The following ERCC6L2 variants were observed in gnomAD, a reference collection of about 807,000 sequenced individuals.
The protein encoded by ERCC6L2 is DNA excision repair protein ERCC-6-like 2.
A neutral mutation model predicts 132.0 loss-of-function variants in ERCC6L2; 77 were observed. The observed-to-expected ratio is 0.58, with a 90% CI of 0.49 to 0.71. The LOEUF (loss-of-function observed/expected upper bound fraction) is 0.71, where lower values mean the gene tolerates loss of function less well. Ranked by LOEUF, ERCC6L2 falls within the 30% of genes least tolerant of loss-of-function variation. The pLI is 0.00. For missense variants in ERCC6L2, 1,542 were observed against 1,837.6 expected (o/e 0.84, Z 2.94); for synonymous variants, 583 against 632.4 (o/e 0.92, Z 1.17).
chr9:95,940,951 G>A (rs2132874351), intron 11 of ERCC6L2, among the ~76,000 whole-genome samples: 1 of 152,086 alleles, frequency 6.6e-6, no homozygotes, highest in South Asian at 2.1e-4. Context: ...ATGACTCACT[G>A]CCATGCCATT....
chr9:95,984,811 C>G (rs1437663299), intron 17 of ERCC6L2, among the ~76,000 whole-genome samples: 1 of 152,098 alleles, frequency 6.6e-6, no homozygotes, highest in Non-Finnish European at 1.5e-5. Context: ...CCTTTATGTT[C>G]TGAGAATTTT....
chr9:95,950,989 A>G (rs1473701196), intron 12 of ERCC6L2, among the ~76,000 whole-genome samples: 3 of 152,340 alleles, frequency 2.0e-5, no homozygotes, highest in South Asian at 2.1e-4. Flanking sequence ...TAACAGATAT[A>G]TAGAATTTTC....
At chr9:95,947,953 A>G (rs1831141581) in intron 12 of ERCC6L2, among the ~76,000 whole-genome samples, 2 of 152,240 alleles carry the variant, frequency 1.3e-5, no homozygotes, top group African/African-American at 4.8e-5. Flanking sequence ...GTTCTGATGG[A>G]GATATACAAG....
At chr9:96,020,847 G>A (rs1194602072), downstream of ERCC6L2, 3 of 456,754 alleles carry the variant, frequency 6.6e-6, no homozygotes, top group Non-Finnish European at 1.3e-5. Context: ...CCCCAGAGCA[G>A]CAGCAACGTG....
intron 4 of ERCC6L2, among the ~76,000 whole-genome samples, chr9:95,913,181 G>A (rs1373805070): frequency 1.3e-5 from 2 of 152,044 alleles, no homozygotes; most frequent in Non-Finnish European, 1.5e-5. Flanking sequence ...CATACAAATT[G>A]TTCTTGTCTG....
chr9:95,883,919 C>T (rs1441842052), intron 2 of ERCC6L2, among the ~76,000 whole-genome samples: 2 of 152,206 alleles, frequency 1.3e-5, no homozygotes, highest in African/African-American at 4.8e-5. Context: ...TTGGGAACCA[C>T]CATCCTGCAG....
At chr9:95,943,259 A>C (rs956508804) in intron 12 of ERCC6L2, among the ~76,000 whole-genome samples, 2 of 152,162 alleles carry the variant, frequency 1.3e-5, no homozygotes, top group Non-Finnish European at 2.9e-5. Flanking sequence ...TAATTGTCAG[A>C]ATAAGGGTAG....
chr9:96,003,558 G>A (rs1164768581), intron 17 of ERCC6L2, among the ~76,000 whole-genome samples: 1 of 152,122 alleles, frequency 6.6e-6, no homozygotes, highest in African/African-American at 2.4e-5. Flanking sequence ...TTCCTGTTTT[G>A]TGTTTCTTTG....
chr9:96,001,973 C>T (rs928207445), intron 17 of ERCC6L2, among the ~76,000 whole-genome samples: 17 of 152,250 alleles, frequency 1.1e-4, no homozygotes, highest in South Asian at 2.1e-4. Flanking sequence ...TGCTAAGTCC[C>T]CCATTGCCGG....
intron 1 of ERCC6L2, among the ~76,000 whole-genome samples, chr9:95,877,663 C>G (rs1421951395): frequency 6.6e-6 from 1 of 151,860 alleles, no homozygotes; most frequent in African/African-American, 2.4e-5. Flanking sequence ...AAAATTTAGC[C>G]AGGCATGGTG....
intron 16 of ERCC6L2, among the ~76,000 whole-genome samples, chr9:95,974,722 TTGTGTG>T (rs139478214): frequency 1.5e-4 from 22 of 149,798 alleles, no homozygotes; most frequent in Admixed American, 6.7e-4. Flanking sequence ...GTGGCCAGAT[TTGTGTG>T]TGTGTGTGTG....
At chr9:95,978,855 A>T (rs1832779330) in intron 17 of ERCC6L2, among the ~76,000 whole-genome samples, 1 of 152,192 alleles carries the variant, frequency 6.6e-6, no homozygotes, top group South Asian at 2.1e-4. Context: ...AGAGTTCAGA[A>T]TGCATACTGT....
At chr9:95,952,988 A>C (rs754727550) in intron 12 of ERCC6L2, among the ~76,000 whole-genome samples, 2 of 152,220 alleles carry the variant, frequency 1.3e-5, no homozygotes, top group Non-Finnish European at 2.9e-5. Context: ...AGAAAAGGAC[A>C]AAGATTGTAT....
At chr9:96,011,678 T>G (rs553973178) in intron 18 of ERCC6L2, among the ~76,000 whole-genome samples, 32 of 152,316 alleles carry the variant, frequency 2.1e-4, no homozygotes, top group African/African-American at 7.0e-4. Flanking sequence ...GAAAAAATAG[T>G]CTAGGTTTAT....
chr9:95,876,268 G>A (rs1827263157), intron 1 of ERCC6L2, 184 bp downstream of exon 1: 2 of 541,806 alleles, frequency 3.7e-6, no homozygotes, highest in African/African-American at 1.9e-5. Context: ...ACCTGGACTC[G>A]GGAGTCAGCC....
At chr9:96,034,379 T>G (rs1834496026) in intron 19 of ERCC6L2, among the ~76,000 whole-genome samples, 1 of 152,202 alleles carries the variant, frequency 6.6e-6, no homozygotes, top group Non-Finnish European at 1.5e-5. Context: ...CAGGCATCCC[T>G]TGAGAAGAGC....
rs45604033 is a variant in ERCC6L2 at position 96,004,620 on chromosome 9, C to A, written c.3593C>A (p.Pro1198His). Residue 1198 changes from proline (P) to histidine (H), a missense_variant, in exon 18 of 19, where the codon CCT (proline) becomes CAT (histidine). Coordinates refer to ENST00000653738, the MANE Select transcript of ERCC6L2 (RefSeq NM_020207.7). ...TCACTTCCTCTTTACATTTCAAATC[C>A]TGTAAACCAGAAGAAGAAAAAAGTC... ...SISLPLYISN[P>H]VNQKKKKVYH... is the part of the protein sequence containing the mutation. 4.2e-3 allele frequency: 5,522 copies of A among 1,321,820 alleles called. 71 individuals carry two copies. Among genetic ancestry groups the A allele is most frequent in the African/African-American group, 0.038 (2,509 of 66,720 alleles). 81.9% of individuals were successfully genotyped at this position (1,321,820 alleles called of 1,614,324 possible).
rs919501951 is a variant in ERCC6L2 at position 96,012,929 on chromosome 9, CAAAG to C, written c.4384_4387del (p.Lys1462PhefsTer20). 1 of 1,367,274 alleles carries C rather than the reference CAAAG, an allele frequency of 7.3e-7. No individual in the cohort carries two copies. Among genetic ancestry groups the C allele is most frequent in the African/African-American group, 1.5e-5 (1 of 67,730 alleles). The allele number at this position is 1,367,274 out of a possible 1,614,324, so 84.7% of individuals were successfully genotyped here. A position where few individuals can be genotyped will look rare whatever the true frequency, so the allele number is the denominator to read the frequency against. On this transcript the variant is annotated frameshift_variant, in exon 19 of 19. Transcript: ENST00000653738. LOFTEE classifies it low-confidence loss of function (END_TRUNC). ...CATGGGAACAGTCCCACACAACTGCCAAAGAAAGTTCTTTCAGGGCCCATGGAAA... is the reference window on the plus strand; with the variant it reads ...CATGGGAACAGTCCCACACAACTGCCAAAGTTCTTTCAGGGCCCATGGAAA...
At chr9:95,928,885 A>G (rs1830217901) in intron 11 of ERCC6L2, 21 bp downstream of exon 11, 1 of 1,477,266 alleles carries the variant, frequency 6.8e-7, no homozygotes. Flanking sequence ...TAAATTTAAT[A>G]ACTAGATTTT....
Sources: allele counts gnomAD v4.1 joint callset (sites outside exome capture counted in the v4.1 genomes callset), GRCh38; gene constraint gnomAD v4.1.1; transcripts MANE v1.5; gene names NCBI Gene and HGNC (gene_info 2026-07-23, HGNC 2026-07-21).